Variants in GAGE2A observed in about 807,000 individuals in gnomAD.
GAGE2A encodes the protein G antigen 2A/2B.
intron 3 of GAGE2A, among the ~76,000 whole-genome samples, chrX:49,591,593 C>T (rs1557130574): frequency 1.0e-5 from 1 of 99,828 alleles, no homozygotes; most frequent in East Asian, 3.1e-4. Flanking sequence ...TCCAAGAACC[C>T]TTGACTGGTG....
chrX:49,591,219 T>C lies in GAGE2A; in HGVS notation c.104T>C (p.Val35Ala), dbSNP rs1475866313. Residue 35 changes from valine (V) to alanine (A), a missense_variant, in exon 3 of 5, where the codon GTG becomes GCG. Transcript: ENST00000362097. ...CAGCCCGAGCAGTTCAGTGATGAAG[T>C]GGAACCAGCAACACCTGAAGAAGGG... ...PMRPEQFSDE[V>A]EPATPEEGEP... The C allele has an allele frequency of 1.2e-6, 1 of 859,273 alleles. No individual in the cohort carries two copies. The highest frequency in any genetic ancestry group is 1.6e-6 in the Non-Finnish European group (1 of 609,589). The allele number at this position is 859,273 out of a possible 1,213,427, so 70.8% of individuals were successfully genotyped here.
chrX:49,591,394 G>A (rs1329175824), intron 3 of GAGE2A, 77 bp downstream of exon 3: 1 of 947,149 alleles, frequency 1.1e-6, no homozygotes, highest in African/African-American at 1.9e-5. Flanking sequence ...GCACGTGTGT[G>A]TGTGTGTGTG....
intron 1 of GAGE2A, among the ~76,000 whole-genome samples, chrX:49,589,927 G>A (rs1273769946): frequency 2.6e-5 from 3 of 114,158 alleles, no homozygotes; most frequent in South Asian, 3.4e-4. Flanking sequence ...TGGGGCCCCC[G>A]GCGGGGGCGA....
At chrX:49,590,013 C>T (rs74830898) in intron 1 of GAGE2A, among the ~76,000 whole-genome samples, 9,907 of 75,762 alleles carry the variant, frequency 0.13, no homozygotes, top group Middle Eastern at 0.24. Context: ...GTGTGGAGTG[C>T]GGAGCGCCCG....
At chrX:49,589,989 G>GC (rs373972104) in intron 1 of GAGE2A, among the ~76,000 whole-genome samples, 18 of 113,074 alleles carry the variant, frequency 1.6e-4, no homozygotes, top group African/African-American at 4.6e-4. Flanking sequence ...GGCCTGGCGA[G>GC]CCCCCCCCCA....
chrX:49,591,324 G>C lies in GAGE2A; in HGVS notation c.202+7G>C. ...GGAGCATCTGCAGGTCAAGGTGAGG[G>C]AAAGGGAAGAAGAACGTCTGCTGGT... On this transcript the variant is annotated splice_region_variant and intron_variant, in intron 3 of 4. Transcript: ENST00000362097. 2.4e-6 allele frequency: 2 copies of C among 832,256 alleles called. No homozygotes were observed. The highest frequency in any genetic ancestry group is 3.4e-6 in the Non-Finnish European group (2 of 588,283). The allele number at this position is 832,256 out of a possible 1,213,427, so 68.6% of individuals were successfully genotyped here. A position where few individuals can be genotyped will look rare whatever the true frequency, so the allele number is the denominator to read the frequency against.
chrX:49,591,696 A>T (rs2066600013), intron 3 of GAGE2A, among the ~76,000 whole-genome samples: 1 of 43,283 alleles, frequency 2.3e-5, no homozygotes, highest in African/African-American at 7.2e-5. Context: ...AATGCTTAAA[A>T]CTCAAAAGGC....
chrX:49,589,928 G>C (rs2066586986), intron 1 of GAGE2A, among the ~76,000 whole-genome samples: 1 of 114,172 alleles, frequency 8.8e-6, no homozygotes, highest in African/African-American at 3.2e-5. Flanking sequence ...GGGGCCCCCG[G>C]CGGGGGCGAG....
intron 3 of GAGE2A, among the ~76,000 whole-genome samples, chrX:49,591,671 A>T (rs2066599926): frequency 1.4e-5 from 1 of 72,430 alleles, no homozygotes; most frequent in Non-Finnish European, 3.2e-5. Flanking sequence ...TAAAGAAGGA[A>T]GTGATTTTGC....
At chrX:49,589,938 G>A (rs1557130063) in intron 1 of GAGE2A, among the ~76,000 whole-genome samples, 1 of 114,207 alleles carries the variant, frequency 8.8e-6, no homozygotes, top group African/African-American at 3.2e-5. Context: ...GCGGGGGCGA[G>A]GCAGGCGGTG....
intron 1 of GAGE2A, among the ~76,000 whole-genome samples, chrX:49,589,860 G>A (rs1463633964): frequency 9.7e-5 from 11 of 113,465 alleles, no homozygotes; most frequent in African/African-American, 3.6e-4. Context: ...GTGCTGTTGG[G>A]GGGATGGAAG....
chrX:49,589,916 A>G (rs2066586789), intron 1 of GAGE2A, among the ~76,000 whole-genome samples: 2 of 114,102 alleles, frequency 1.8e-5, no homozygotes, highest in East Asian at 5.4e-4. Flanking sequence ...GATTCCCTGA[A>G]TGGGGCCCCC....
chrX:49,589,877 G>C (rs2066586527), intron 1 of GAGE2A, among the ~76,000 whole-genome samples: 2 of 113,816 alleles, frequency 1.8e-5, no homozygotes, highest in African/African-American at 6.5e-5. Context: ...GAAGTCCCGA[G>C]GTGCCGGGAT....
intron 1 of GAGE2A, among the ~76,000 whole-genome samples, chrX:49,589,959 C>T (rs1422628455): frequency 1.8e-5 from 2 of 114,208 alleles, no homozygotes; most frequent in African/African-American, 3.2e-5. Context: ...AAGAAGGGGC[C>T]TGGCACCTGG....
Position 49,589,552 on chromosome X carries a change from GCT to G in GAGE2A, c.-59_-58del, listed in dbSNP as rs2066584256. ...GAACGCCAGGGAGCTGTGAGGCAGT[GCT>G]GTGTGGTTCCTGCCGTCCGGACTCT... On this transcript the variant is annotated 5_prime_UTR_variant, in exon 1 of 5. Transcript: ENST00000362097. The G allele has an allele frequency of 1.6e-5, 1 of 64,410 alleles. No individual in the cohort carries two copies. Among genetic ancestry groups the G allele is most frequent in the Non-Finnish European group, 2.7e-5 (1 of 37,681 alleles). The allele number at this position is 64,410 out of a possible 1,213,427, so 5.3% of individuals were successfully genotyped here.
intron 2 of GAGE2A, among the ~76,000 whole-genome samples, 154 bp downstream of exon 2, chrX:49,590,885 AT>A (rs782113738): frequency 3.0e-3 from 308 of 101,181 alleles, no homozygotes; most frequent in Middle Eastern, 0.01. Context: ...ATTCTGGAGG[AT>A]TTTTTTTTTC....
At chrX:49,591,788 AT>A in intron 3 of GAGE2A, among the ~76,000 whole-genome samples, 1 of 31,861 alleles carries the variant, frequency 3.1e-5, no homozygotes, top group East Asian at 6.7e-4. Flanking sequence ...TTTGATTGAT[AT>A]TTTTATATGG....
intron 1 of GAGE2A, among the ~76,000 whole-genome samples, chrX:49,590,153 G>C (rs1557130150): frequency 1.7e-5 from 2 of 114,649 alleles, no homozygotes; most frequent in African/African-American, 6.3e-5. Flanking sequence ...AAGTGGGAGT[G>C]TGCCCAAAGC....
chrX:49,591,618 A>T (rs1366320729), intron 3 of GAGE2A, among the ~76,000 whole-genome samples: 120 of 98,042 alleles, frequency 1.2e-3, no homozygotes, highest in African/African-American at 4.2e-3. Context: ...CAACATTTGT[A>T]CTGTGTTCCA....
Sources: gnomAD v4.1 joint callset for allele counts (sites outside exome capture counted in the v4.1 genomes callset) on GRCh38, gnomAD v4.1.1 for gene constraint, MANE v1.5 for transcripts, NCBI Gene and HGNC (gene_info 2026-07-23, HGNC 2026-07-21) for gene names.